The following ASIC2 variants were observed in gnomAD, a reference collection of about 807,000 sequenced individuals.
ASIC2 encodes acid sensing ion channel subunit 2, also known as acid-sensing ion channel 2.
In ASIC2, 25 loss-of-function variants were observed where a neutral mutation model predicts 57.3. The observed-to-expected ratio is 0.44, with a 90% CI of 0.32 to 0.61. The LOEUF (loss-of-function observed/expected upper bound fraction) is 0.61, where lower values mean the gene tolerates loss of function less well. ASIC2 is among the 20% of genes least tolerant of loss of function. The pLI is 0.06. For missense variants in ASIC2, 641 were observed against 738.1 expected, an observed-to-expected ratio of 0.87 and a Z score of 1.52; for synonymous variants, 319 against 307.5, an observed-to-expected ratio of 1.04 and a Z score of -0.39.
chr17:33,487,249 C>T (rs1913603519), intron 1 of ASIC2, among the ~76,000 whole-genome samples: 1 of 152,104 alleles, frequency 6.6e-6, no homozygotes, highest in African/African-American at 2.4e-5. Context: ...CTGGGCATCC[C>T]GAGTCCTCCA....
At chr17:33,594,827 C>T (rs893603819) in intron 1 of ASIC2, among the ~76,000 whole-genome samples, 2 of 114,176 alleles carry the variant, frequency 1.8e-5, no homozygotes, top group Middle Eastern at 4.4e-3. Context: ...GACTCCATTT[C>T]AAAAAAAAAA....
In ASIC2 at chr17:34,049,835, G is replaced by A. The variant is rs558059124; in HGVS notation, c.555+106143C>T. ...ATAATCTCCAGCAAACCTGCTCCAC[G>A]GTGGTAATTACTCTCTCCTCTGTGT... is the stretch of plus-strand genomic sequence containing the variant. On this transcript the variant is annotated intron_variant, in intron 1 of 9. Coordinates refer to the ASIC2 transcript ENST00000359872. Among the ~76,000 whole-genome samples the A allele has an allele frequency of 4.7e-4, 71 of 152,192 alleles. 2 individuals are homozygous for A. Among genetic ancestry groups the A allele is most frequent in the African/African-American group, 1.6e-3 (65 of 41,510 alleles).
intron 1 of ASIC2, among the ~76,000 whole-genome samples, chr17:33,806,139 C>A (rs1274953881): frequency 6.6e-6 from 1 of 152,114 alleles, no homozygotes; most frequent in African/African-American, 2.4e-5. Flanking sequence ...ATCACACAAA[C>A]CAGGGATAAG....
intron 1 of ASIC2, among the ~76,000 whole-genome samples, chr17:33,303,502 G>A (rs983712179): frequency 6.6e-6 from 1 of 152,090 alleles, no homozygotes; most frequent in African/African-American, 2.4e-5. Flanking sequence ...TTTCAACATC[G>A]AAGTGACATT....
At chr17:33,747,865 C>T (rs1241832327) in intron 1 of ASIC2, among the ~76,000 whole-genome samples, 1 of 152,204 alleles carries the variant, frequency 6.6e-6, no homozygotes, top group Non-Finnish European at 1.5e-5. Context: ...GGCCTCACCT[C>T]AACTCCATCC....
At chr17:34,099,160 GAGAGAAAGAAAGAAAGAA>G (rs1910687866) in intron 1 of ASIC2, among the ~76,000 whole-genome samples, 1 of 5,370 alleles carries the variant, frequency 1.9e-4, no homozygotes, top group African/African-American at 4.8e-4. Flanking sequence ...GAGAGAGAGA[GAGAGAAAGAAAGAAAGAA>G]AGAAAGAAAG....
At chr17:33,692,787 A>T (rs1908413377) in intron 1 of ASIC2, among the ~76,000 whole-genome samples, 1 of 152,188 alleles carries the variant, frequency 6.6e-6, no homozygotes, top group Non-Finnish European at 1.5e-5. Context: ...AATGTGTTGC[A>T]CTATGATGGT....
intron 1 of ASIC2, among the ~76,000 whole-genome samples, chr17:33,946,979 C>G (rs940549133): frequency 1.4e-4 from 22 of 152,074 alleles, no homozygotes; most frequent in African/African-American, 5.3e-4. Flanking sequence ...TTCCCTGCAC[C>G]TGCACCCACT....
chr17:33,485,295 G>A (rs1053068574), intron 1 of ASIC2, among the ~76,000 whole-genome samples: 2 of 152,264 alleles, frequency 1.3e-5, no homozygotes, highest in Non-Finnish European at 2.9e-5. Flanking sequence ...GTGCAAAGCA[G>A]ACATGGTTAG....
intron 1 of ASIC2, among the ~76,000 whole-genome samples, chr17:33,719,200 C>T (rs1475459286): frequency 6.6e-6 from 1 of 152,206 alleles, no homozygotes; most frequent in Non-Finnish European, 1.5e-5. Flanking sequence ...TGGATTGGCC[C>T]TCATGCCTTC....
chr17:33,049,079 C>T (rs1038108468), intron 3 of ASIC2, among the ~76,000 whole-genome samples: 6 of 152,130 alleles, frequency 3.9e-5, no homozygotes, highest in African/African-American at 9.7e-5. Flanking sequence ...GTGAAAAGAG[C>T]GTGGACTTTG....
At chr17:33,307,858 TATA>T (rs1906249274) in intron 1 of ASIC2, among the ~76,000 whole-genome samples, 1 of 152,228 alleles carries the variant, frequency 6.6e-6, no homozygotes, top group Non-Finnish European at 1.5e-5. Flanking sequence ...GAGCCTGACA[TATA>T]GTAAGTATTC....
intron 1 of ASIC2, among the ~76,000 whole-genome samples, chr17:33,960,724 C>T (rs1438148299): frequency 6.6e-6 from 1 of 152,148 alleles, no homozygotes; most frequent in Non-Finnish European, 1.5e-5. Context: ...CTTGAGCATG[C>T]TTCACCTACC....
At chr17:33,567,581 A>C (rs1412612909) in intron 1 of ASIC2, among the ~76,000 whole-genome samples, 1 of 152,156 alleles carries the variant, frequency 6.6e-6, no homozygotes, top group Admixed American at 6.5e-5. Flanking sequence ...TGGAGGGAGA[A>C]GCGTGGCAGG....
chr17:33,490,183 C>T (rs1027916427), intron 1 of ASIC2, among the ~76,000 whole-genome samples: 12 of 152,176 alleles, frequency 7.9e-5, no homozygotes, highest in African/African-American at 2.7e-4. Context: ...AGAGTTAGGT[C>T]ATTGCTATAG....
At chr17:33,033,529 C>T (rs934758994) in intron 3 of ASIC2, among the ~76,000 whole-genome samples, 4 of 152,222 alleles carry the variant, frequency 2.6e-5, no homozygotes, top group African/African-American at 9.6e-5. Context: ...CTGCAGCCTG[C>T]ACCCTCAGTG....
intron 1 of ASIC2, among the ~76,000 whole-genome samples, chr17:33,523,767 ACT>A (rs1277042141): frequency 6.6e-6 from 1 of 151,962 alleles, no homozygotes; most frequent in African/African-American, 2.4e-5. Flanking sequence ...CTCTGTGCTC[ACT>A]CTACCAACTA....
chr17:33,666,964 T>G (rs1907494441), intron 1 of ASIC2, among the ~76,000 whole-genome samples: 1 of 152,214 alleles, frequency 6.6e-6, no homozygotes, highest in South Asian at 2.1e-4. Flanking sequence ...ATTAAAATAT[T>G]ATTTGTCGTT....
intron 1 of ASIC2, among the ~76,000 whole-genome samples, chr17:33,801,927 C>T (rs78391772): frequency 9.1e-4 from 138 of 151,994 alleles, no homozygotes; most frequent in Non-Finnish European, 1.0e-3. Flanking sequence ...TAGAACTGGA[C>T]GAGAGGGAGG....
Sources: allele counts gnomAD v4.1 joint callset (sites outside exome capture counted in the v4.1 genomes callset), GRCh38; gene constraint gnomAD v4.1.1; transcripts MANE v1.5; gene names NCBI Gene and HGNC (gene_info 2026-07-23, HGNC 2026-07-21).